PIEZO1: variants seen among roughly 807,000 people sequenced by gnomAD.
The protein encoded by PIEZO1 is piezo type mechanosensitive ion channel component 1 (Er blood group).
Under a neutral mutation model 297.2 loss-of-function variants are expected in PIEZO1, and 296 were observed. The observed-to-expected ratio is 1.00, with a 90% confidence interval of 0.91 to 1.10. PIEZO1 has a LOEUF of 1.10. Ranked by LOEUF, PIEZO1 falls within the 50% of genes least tolerant of loss-of-function variation. The probability of loss-of-function intolerance (pLI) is 0.00; values close to 1 mark genes in which losing one functional copy is unlikely to be tolerated. For synonymous variants in PIEZO1, 2,427 were observed against 1,507.5 expected (o/e 1.61, Z -14.13); for missense variants, 5,018 against 3,455.5 (o/e 1.45, Z -11.34).
chr16:88,732,377 G>A lies in PIEZO1; in HGVS notation c.2949C>T (p.Leu983=), dbSNP rs1438967221. ...AGAAGAAGAAGTTGATGAAGTACTT[G>A]AGGCAGCCGAGCAGATCCTGGTCCA... ...QQLDQDLLGC[L]KYFINFFFYK... The change falls in exon 21 of 51, where the codon CTC becomes CTT. Residue 983 remains leucine (L), a synonymous_variant. Transcript: ENST00000301015. 2 of 1,549,752 alleles carry A rather than the reference G, an allele frequency of 1.3e-6. No homozygotes were observed. Among genetic ancestry groups the A allele is most frequent in the Non-Finnish European group, 1.7e-6 (2 of 1,146,524 alleles).
rs944061069 is a variant in PIEZO1 at position 88,715,479 on chromosome 16, G to C, written c.*126C>G. 40 of 1,071,684 alleles carry C rather than the reference G, an allele frequency of 3.7e-5. No homozygotes were observed. The highest frequency in any genetic ancestry group is 4.8e-5 in the Non-Finnish European group (36 of 747,134). 66.4% of individuals were successfully genotyped at this position (1,071,684 alleles called of 1,614,324 possible). On this transcript the variant is annotated 3_prime_UTR_variant, in exon 51 of 51. Coordinates refer to ENST00000301015, the MANE Select transcript of PIEZO1 (RefSeq NM_001142864.4). ...GCAGCATCAGGGCTCAGGCAGGCCG[G>C]GAGGATGCATCACAGCTGGCGGCCT...
chr16:88,770,384 TTAGG>T (rs779465059), intron 1 of PIEZO1, among the ~76,000 whole-genome samples: 93 of 152,266 alleles, frequency 6.1e-4, no homozygotes, highest in Non-Finnish European at 1.1e-3. Flanking sequence ...GGCTCGACCT[TTAGG>T]AGTCTGCAGT....
chr16:88,737,112 G>C (rs769811287), intron 10 of PIEZO1: 5 of 236,238 alleles, frequency 2.1e-5, no homozygotes, highest in Non-Finnish European at 4.1e-5. Flanking sequence ...AAGAAAGAAA[G>C]TAGCCAGAAA....
At position 88,719,655 on chromosome 16, in the gene PIEZO1, C is replaced by G. The variant is rs34679131; in HGVS notation, c.6390G>C (p.Thr2130=). 3 of 1,553,862 alleles carry G rather than the reference C, an allele frequency of 1.9e-6. No homozygotes were observed. Among genetic ancestry groups the G allele is most frequent in the South Asian group, 2.4e-5 (2 of 84,220 alleles). ...CACACATCCAGCTGGACAGGGACAGCGTGGTGTCCGTCCACACCCAGTCCA... is the reference window on the plus strand; with the variant it reads ...CACACATCCAGCTGGACAGGGACAGGGTGGTGTCCGTCCACACCCAGTCCA... ...AVMDWVWTDT[T]LSLSSWMCVE... is the part of the protein sequence containing the mutation. Residue 2130 remains threonine (T), a synonymous_variant, in exon 44 of 51, where the codon ACG becomes ACC. Coordinates refer to ENST00000301015, the MANE Select transcript of PIEZO1 (RefSeq NM_001142864.4).
Position 88,738,246 on chromosome 16 carries a change from G to C in PIEZO1, c.829C>G (p.Pro277Ala). ...QMPLAQALLP[P>A]AGIWARVLGL... ...CGTTACCTAGCCCAGATGCCGGCAG[G>C]CGGGAGCAGAGCCTGTGCCAAGGGC... Residue 277 changes from proline (P) to alanine (A), a missense_variant, in exon 7 of 51, where the codon CCT becomes GCT. Physicochemically the swap from Pro to Ala is conservative, Grantham distance 27. Transcript: ENST00000301015. 1 of 1,535,836 alleles carries C rather than the reference G, an allele frequency of 6.5e-7. No homozygotes were observed. The highest frequency in any genetic ancestry group is 8.7e-7 in the Non-Finnish European group (1 of 1,146,818).
At chr16:88,774,629 G>T (rs1907574843) in intron 1 of PIEZO1, among the ~76,000 whole-genome samples, 2 of 152,196 alleles carry the variant, frequency 1.3e-5, no homozygotes, top group Non-Finnish European at 1.5e-5. Flanking sequence ...AGCCTGAAAA[G>T]GAAGCCGGCA....
chr16:88,784,903 G>A lies in PIEZO1; in HGVS notation c.62C>T (p.Ala21Val), dbSNP rs1452825069. ...CCAGGCGCCCGCCCCCCACTCACCA[G>A]CCAGCAGCGCGCAGGGCAGCAGCAG... is the stretch of plus-strand genomic sequence containing the variant. ...YWLLLPCALL[A>V]ACLLRFSGLS... The change falls in exon 1 of 51, where the codon GCT (alanine) becomes GTT (valine). Residue 21 changes from alanine (A) to valine (V), a missense_variant and splice_region_variant. Coordinates refer to ENST00000301015, the MANE Select transcript of PIEZO1 (RefSeq NM_001142864.4). 2 of 1,433,128 alleles carry A rather than the reference G, an allele frequency of 1.4e-6. No homozygotes were observed. The highest frequency in any genetic ancestry group is 1.3e-5 in the South Asian group (1 of 76,912). 88.8% of individuals were successfully genotyped at this position (1,433,128 alleles called of 1,614,324 possible).
Position 88,722,411 on chromosome 16 carries a change from C to G in PIEZO1, c.4776-14G>C. On this transcript the variant is annotated splice_polypyrimidine_tract_variant and intron_variant, in intron 35 of 50. Coordinates refer to ENST00000301015, the MANE Select transcript of PIEZO1 (RefSeq NM_001142864.4). ...GCGCCCAGCCCACTGGGGAGGGAAG[C>G]CGAGTCACAGAGAATCCTGCTCTAT... is the stretch of plus-strand genomic sequence containing the variant. 1 of 1,485,262 alleles carries G rather than the reference C, an allele frequency of 6.7e-7. No individual in the cohort carries two copies. The highest frequency in any genetic ancestry group is 9.0e-7 in the Non-Finnish European group (1 of 1,113,596). 92.0% of individuals were successfully genotyped at this position (1,485,262 alleles called of 1,614,324 possible).
rs36067616 is a variant in PIEZO1, at chr16:88,734,397, G to C, written c.2139C>G (p.His713Gln). 3 of 1,548,478 alleles carry C rather than the reference G, an allele frequency of 1.9e-6. No homozygotes were observed. Among genetic ancestry groups the C allele is most frequent in the Non-Finnish European group, 2.6e-6 (3 of 1,145,834 alleles). ...RPFMQLTDME[H>Q]VSLPGTRLPR... is the part of the protein sequence containing the mutation. ...GGAGGCGCGTGCCAGGCAGGGACAC[G>C]TGCTCCATGTCGGTGAGCTGCATGA... is the stretch of plus-strand genomic sequence containing the variant. The change falls in exon 16 of 51, where the codon CAC (histidine) becomes CAG (glutamine). Residue 713 changes from histidine to glutamine, a missense_variant. By Grantham distance (24) the His-to-Gln change is conservative. Coordinates refer to ENST00000301015, the MANE Select transcript of PIEZO1 (RefSeq NM_001142864.4).
In PIEZO1 at chr16:88,731,774, A is replaced by T; in HGVS notation, c.3128T>A (p.Leu1043His). 1 of 1,549,550 alleles carries T rather than the reference A, an allele frequency of 6.5e-7. No individual in the cohort carries two copies. Among genetic ancestry groups the T allele is most frequent in the Non-Finnish European group, 8.7e-7 (1 of 1,146,766 alleles). ...AIARLWPNYCLFLALFLLYQY... is the reference protein window; with the variant it reads ...AIARLWPNYCHFLALFLLYQY... Reference sequence around the variant, plus strand: ...GTACAGCAGGAACAGCGCCAGGAAGAGGCAGTAGTTGGGCCAGAGGCGGGC... The same window carrying T: ...GTACAGCAGGAACAGCGCCAGGAAGTGGCAGTAGTTGGGCCAGAGGCGGGC... Residue 1043 changes from leucine to histidine, a missense_variant, in exon 22 of 51, where the codon CTC (leucine) becomes CAC (histidine). Transcript: ENST00000301015.
intron 2 of PIEZO1, chr16:88,743,157 C>G (rs772080793): frequency 1.1e-5 from 5 of 455,522 alleles, no homozygotes; most frequent in African/African-American, 8.0e-5. Context: ...TGGACTCAGC[C>G]CCCCAGCAGG....
At chr16:88,735,918 CAG>C (rs1314668675) in intron 12 of PIEZO1, among the ~76,000 whole-genome samples, 1 of 152,192 alleles carries the variant, frequency 6.6e-6, no homozygotes, top group African/African-American at 2.4e-5. Flanking sequence ...CACACAGTGT[CAG>C]GGCACAGGGG....
chr16:88,720,844 G>A, intron 39 of PIEZO1, 96 bp from the exon 40 acceptor site: 1 of 1,328,476 alleles, frequency 7.5e-7, no homozygotes. Flanking sequence ...CTCCCTGTTT[G>A]ACAGACAAGC....
In PIEZO1 at chr16:88,733,989, TG is replaced by T. The variant is rs755038499; in HGVS notation, c.2245del (p.Gln749ArgfsTer79). On this transcript the variant is annotated frameshift_variant, in exon 17 of 51. Coordinates refer to ENST00000301015, the MANE Select transcript of PIEZO1 (RefSeq NM_001142864.4). LOFTEE classifies it high-confidence loss of function. ...EEQQEHQQQQQEEEEEEEDSR... is the reference protein window; with the variant it reads ...EEQQEHQQQQXEEEEEEEDSR... ...GTCCTCCTCCTCCTCCTCCTCCTCC[TG>T]CTGCTGCTGCTGATGCTCCTGCTGC... 2.5e-6 allele frequency: 3 copies of T among 1,212,656 alleles called. No individual in the cohort carries two copies. The African/African-American group carries it at 4.6e-5, about 19-fold the overall frequency. 75.1% of individuals were successfully genotyped at this position (1,212,656 alleles called of 1,614,324 possible).
rs117858189 is a variant in PIEZO1 at position 88,759,028 on chromosome 16, C to G, written c.65-9549G>C. On this transcript the variant is annotated intron_variant, in intron 1 of 50. Transcript: ENST00000301015. Reference sequence around the variant, plus strand: ...CCTGCAGAAGAGGTCCTTGGTCCCCCCTACCCACGGCATTTCCCTTTTTTA... The same window carrying G: ...CCTGCAGAAGAGGTCCTTGGTCCCCGCTACCCACGGCATTTCCCTTTTTTA... Among the ~76,000 whole-genome samples the G allele has an allele frequency of 8.4e-3, 1,274 of 152,338 alleles. 9 individuals carry two copies. The highest frequency in any genetic ancestry group is 0.015 in the Non-Finnish European group (1,012 of 68,036).
intron 4 of PIEZO1, 75 bp downstream of exon 4, chr16:88,741,978 T>C: frequency 1.4e-6 from 2 of 1,475,724 alleles, no homozygotes; most frequent in Non-Finnish European, 1.8e-6. Context: ...CTGTCCCTCC[T>C]GGGTCCCCCC....
Position 88,741,272 on chromosome 16 carries a change from C to T in PIEZO1, c.465+206G>A, listed in dbSNP as rs1055722099. The T allele has an allele frequency of 1.3e-5, 7 of 525,630 alleles. No individual in the cohort carries two copies. In the African/African-American group the frequency reaches 1.4e-4, roughly 10 times the overall value. 32.6% of individuals were successfully genotyped at this position (525,630 alleles called of 1,614,324 possible). On this transcript the variant is annotated intron_variant, in intron 5 of 50. Transcript: ENST00000301015. The stretch of plus-strand genomic sequence containing the variant: ...GGGCGTGGAGGTTTCTGACTAGAGG[C>T]AGAGCCCGAGTAGAAACAGGTCTGA...
Position 88,734,877 on chromosome 16 carries a change from G to A in PIEZO1, c.1846C>T (p.Gln616Ter), listed in dbSNP as rs1327492918. ...FLFLLCLTLF[Q>*]VYYSLWRKLL... is the part of the protein sequence containing the mutation. ...CCCCATCCCGGCCCCCCAGCCACCT[G>A]GAAGAGGGTGAGGCAGAGCAGGAAG... The change falls in exon 14 of 51, where the codon CAG (glutamine) becomes TAG (stop). Residue 616 changes from glutamine to a stop codon, truncating the protein, a stop_gained and splice_region_variant. Coordinates refer to ENST00000301015, the MANE Select transcript of PIEZO1 (RefSeq NM_001142864.4). LOFTEE classifies it high-confidence loss of function. 6.5e-7 allele frequency: 1 copy of A among 1,550,336 alleles called. No individual in the cohort carries two copies.
At position 88,723,438 on chromosome 16, in the gene PIEZO1, C is replaced by T. The variant is rs183822051; in HGVS notation, c.4336-110G>A. 1.3e-3 allele frequency: 1,592 copies of T among 1,258,616 alleles called. 17 individuals carry two copies. In the African/African-American group the frequency reaches 0.021, roughly 16 times the overall value. The allele number at this position is 1,258,616 out of a possible 1,614,324, so 78.0% of individuals were successfully genotyped here. On this transcript the variant is annotated intron_variant, in intron 31 of 50. Coordinates refer to ENST00000301015, the MANE Select transcript of PIEZO1 (RefSeq NM_001142864.4). The stretch of plus-strand genomic sequence containing the variant: ...AGATCCAGATCCCTGCTCTGTGTCT[C>T]CCAGGGACCTCCGTGTCCCTGAGCC...
Sources: gnomAD v4.1 joint callset for allele counts (sites outside exome capture counted in the v4.1 genomes callset) on GRCh38, gnomAD v4.1.1 for gene constraint, MANE v1.5 for transcripts, NCBI Gene and HGNC (gene_info 2026-07-23, HGNC 2026-07-21) for gene names.